The following RPA3 variants were observed in gnomAD, a reference collection of about 807,000 sequenced individuals.
RPA3 encodes the protein replication protein A3.
A neutral mutation model predicts 13.7 loss-of-function variants in RPA3; 24 were observed. The ratio of observed to expected loss-of-function variants is 1.75; its 90% CI spans 1.27 to 2.46. The LOEUF (loss-of-function observed/expected upper bound fraction) is 2.46, where lower values mean the gene tolerates loss of function less well. RPA3 is among the 30% of genes most tolerant of loss of function. RPA3 has a pLI of 0.00. For synonymous variants in RPA3, 59 were observed against 51.2 expected, an observed-to-expected ratio of 1.15 and a Z score of -0.65; for missense variants, 183 against 151.0, an observed-to-expected ratio of 1.21 and a Z score of -1.11.
chr7:7,713,671 G>A (rs562425620), intron 2 of RPA3, among the ~76,000 whole-genome samples: 1 of 151,924 alleles, frequency 6.6e-6, no homozygotes, highest in East Asian at 1.9e-4. Context: ...TAAGTTGGTT[G>A]TTTGTCCTTG....
intron 2 of RPA3, among the ~76,000 whole-genome samples, chr7:7,695,590 G>A (rs1343403642): frequency 2.6e-5 from 4 of 152,234 alleles, no homozygotes; most frequent in East Asian, 1.9e-4. Context: ...ACTAGCAGCC[G>A]TAACACATTG....
chr7:7,686,496 A>C (rs559627411), intron 3 of RPA3, among the ~76,000 whole-genome samples: 29 of 152,344 alleles, frequency 1.9e-4, no homozygotes, highest in African/African-American at 6.7e-4. Flanking sequence ...ATTGAGAATT[A>C]TCTTTTAATG....
intron 2 of RPA3, among the ~76,000 whole-genome samples, 162 bp from the exon 3 acceptor site, chr7:7,687,490 C>T (rs1167801337): frequency 6.6e-6 from 1 of 152,200 alleles, no homozygotes; most frequent in Non-Finnish European, 1.5e-5. Flanking sequence ...GAATGGTGTG[C>T]ACCCTGCCAG....
At chr7:7,675,951 C>A (rs80062810) in intron 4 of RPA3, among the ~76,000 whole-genome samples, 2,628 of 152,292 alleles carry the variant, frequency 0.017, 76 homozygotes, top group African/African-American at 0.06. Flanking sequence ...CACCCCTTCA[C>A]CATTTTCATA....
At chr7:7,685,447 C>T (rs974978631) in intron 4 of RPA3, among the ~76,000 whole-genome samples, 2 of 151,764 alleles carry the variant, frequency 1.3e-5, no homozygotes, top group African/African-American at 2.4e-5. Flanking sequence ...GTAGCTGGGA[C>T]TACAGGTGTG....
intron 2 of RPA3, among the ~76,000 whole-genome samples, chr7:7,688,552 A>G (rs1387813459): frequency 6.6e-6 from 1 of 152,172 alleles, no homozygotes; most frequent in Non-Finnish European, 1.5e-5. Flanking sequence ...TTCAGTGTCA[A>G]GATCTCAGAT....
chr7:7,651,853 A>G (rs765712727), intron 4 of RPA3, among the ~76,000 whole-genome samples: 15 of 152,094 alleles, frequency 9.9e-5, no homozygotes, highest in Non-Finnish European at 1.6e-4. Context: ...TTGAAATTCA[A>G]CCTTCTTTCT....
Position 7,685,992 on chromosome 7 carries a change from C to T in RPA3, c.-920G>A, listed in dbSNP as rs973458435. The T allele has an allele frequency of 6.6e-6, 1 of 152,174 alleles. No homozygotes were observed. Among genetic ancestry groups the T allele is most frequent in the African/African-American group, 2.4e-5 (1 of 41,430 alleles). The allele number at this position is 152,174 out of a possible 1,614,324, so 9.4% of individuals were successfully genotyped here. A position where few individuals can be genotyped will look rare whatever the true frequency, so the allele number is the denominator to read the frequency against. ...GGATGCTCCAGATTCCTGGGCCTTG[C>T]CCACACCTAGTGAAACAGAATTTTG... On this transcript the variant is annotated 5_prime_UTR_variant, in exon 4 of 8. Transcript: ENST00000223129.
chr7:7,689,058 G>T (rs1780108629), intron 2 of RPA3, among the ~76,000 whole-genome samples: 1 of 152,082 alleles, frequency 6.6e-6, no homozygotes, highest in Non-Finnish European at 1.5e-5. Flanking sequence ...CCCTACCTCT[G>T]CTTGACCATG....
intron 4 of RPA3, among the ~76,000 whole-genome samples, chr7:7,671,511 C>T (rs1779605241): frequency 6.6e-6 from 1 of 152,164 alleles, no homozygotes; most frequent in South Asian, 2.1e-4. Context: ...TCCTTAAAGG[C>T]CTTCTCAGTT....
Position 7,678,343 on chromosome 7 carries a change from T to C in RPA3, c.-758+7487A>G, listed in dbSNP as rs1001328748. ...TGCATTTCTCTGATGATCAACAATA[T>C]TGAACGTTTTTTTAATATGCCTATT... On this transcript the variant is annotated intron_variant, in intron 4 of 7. Transcript: ENST00000223129. Among the ~76,000 whole-genome samples the C allele has an allele frequency of 1.4e-4, 21 of 150,272 alleles. No homozygotes were observed. The South Asian group carries it at 2.7e-3, about 19-fold the overall frequency.
At chr7:7,685,615 T>C (rs1191176595) in intron 4 of RPA3, among the ~76,000 whole-genome samples, 1 of 152,188 alleles carries the variant, frequency 6.6e-6, no homozygotes, top group African/African-American at 2.4e-5. Context: ...GCCACATTAA[T>C]CTTTATAAAT....
chr7:7,686,298 T>G (rs1257189689), intron 3 of RPA3, among the ~76,000 whole-genome samples: 1 of 152,176 alleles, frequency 6.6e-6, no homozygotes, highest in African/African-American at 2.4e-5. Flanking sequence ...TTGGGAAGTG[T>G]GTCCAGAAAC....
Position 7,636,748 on chromosome 7 carries a change from A to G in RPA3, c.*252T>C, listed in dbSNP as rs1784873571. The G allele has an allele frequency of 2.7e-6, 1 of 376,474 alleles. No individual in the cohort carries two copies. The highest frequency in any genetic ancestry group is 4.7e-6 in the Non-Finnish European group (1 of 211,806). The allele number at this position is 376,474 out of a possible 1,614,324, so 23.3% of individuals were successfully genotyped here. On this transcript the variant is annotated 3_prime_UTR_variant, in exon 8 of 8. Transcript: ENST00000223129. ...CCATTTTAGTTTTTATTAATAAAAT[A>G]GAAACTTAGACTCGGACAACTGCTT...
chr7:7,703,731 G>C (rs1054467864), intron 2 of RPA3, among the ~76,000 whole-genome samples: 3 of 152,116 alleles, frequency 2.0e-5, no homozygotes, highest in Admixed American at 2.0e-4. Context: ...CTTGAGCCCA[G>C]GAGTTTGAGA....
chr7:7,642,482 TTA>T (rs1240049472), intron 4 of RPA3, among the ~76,000 whole-genome samples: 3 of 137,148 alleles, frequency 2.2e-5, no homozygotes, highest in Admixed American at 7.3e-5. Context: ...TTTTTTTTTT[TTA>T]AAGAGCACTC....
chr7:7,715,095 G>C (rs1002833800), intron 2 of RPA3, 80 bp downstream of exon 2: 1 of 151,930 alleles, frequency 6.6e-6, no homozygotes, highest in Admixed American at 6.5e-5. Flanking sequence ...AGTGTTTTAC[G>C]AGATGAACTC....
intron 2 of RPA3, among the ~76,000 whole-genome samples, chr7:7,701,918 C>G (rs967367594): frequency 6.6e-6 from 1 of 152,320 alleles, no homozygotes; most frequent in African/African-American, 2.4e-5. Flanking sequence ...ATCTCTCTGC[C>G]ATCAGCTATA....
intron 4 of RPA3, among the ~76,000 whole-genome samples, chr7:7,683,601 A>T (rs945000164): frequency 6.6e-6 from 1 of 152,046 alleles, no homozygotes; most frequent in African/African-American, 2.4e-5. Flanking sequence ...ACATGATCCT[A>T]TGAAATGAAA....
Sources: gnomAD v4.1 joint callset for allele counts (sites outside exome capture counted in the v4.1 genomes callset) on GRCh38, gnomAD v4.1.1 for gene constraint, MANE v1.5 for transcripts, NCBI Gene and HGNC (gene_info 2026-07-23, HGNC 2026-07-21) for gene names.